MGAM2: variants seen among roughly 807,000 people sequenced by gnomAD.
The protein encoded by MGAM2 is probable maltase-glucoamylase 2.
MGAM2 carries 98 observed loss-of-function variants against 96.1 expected under a neutral mutation model. That is an observed-to-expected ratio of 1.02 (90% CI 0.87 to 1.21). MGAM2 has a LOEUF of 1.21. Among genes scored for constraint, MGAM2 ranks in the 50% most tolerant of loss-of-function variants. The pLI is 0.00. For synonymous variants in MGAM2, 749 were observed against 414.8 expected (o/e 1.81, Z -9.79); for missense variants, 2,055 against 1,182.4 (o/e 1.74, Z -10.82).
At chr7:142,190,267 CT>C (rs58228482) in intron 37 of MGAM2, among the ~76,000 whole-genome samples, 3,887 of 104,140 alleles carry the variant, frequency 0.037, 96 homozygotes, top group African/African-American at 0.14. Flanking sequence ...TACCATTTTA[CT>C]TTTTTTTTTT....
intron 45 of MGAM2, among the ~76,000 whole-genome samples, chr7:142,207,959 A>C (rs1797459678): frequency 6.6e-6 from 1 of 152,124 alleles, no homozygotes; most frequent in Non-Finnish European, 1.5e-5. Flanking sequence ...TAGGGAGAGA[A>C]GAATGGTGAA....
At chr7:142,150,005 G>A (rs1443083184) in intron 15 of MGAM2, among the ~76,000 whole-genome samples, 1 of 151,100 alleles carries the variant, frequency 6.6e-6, no homozygotes. Context: ...GCAATGGCGC[G>A]ATCTCAGCAC....
Position 142,220,821 on chromosome 7 carries a change from C to A in MGAM2, c.6310C>A (p.Pro2104Thr), listed in dbSNP as rs780688446. 1.4e-6 allele frequency: 1 copy of A among 701,992 alleles called. No individual in the cohort carries two copies. The highest frequency in any genetic ancestry group is 1.8e-5 in the African/African-American group (1 of 57,094). The allele number at this position is 701,992 out of a possible 1,614,324, so 43.5% of individuals were successfully genotyped here. A position where few individuals can be genotyped will look rare whatever the true frequency, so the allele number is the denominator to read the frequency against. The change falls in exon 48 of 48, where the codon CCT becomes ACT. Residue 2104 changes from proline (P) to threonine (T), a missense_variant. Transcript: ENST00000477922. ...TGCTACCGTTCCCATTTCAGTGACTCCTTCTCTGACAAGTACTGCTGATGC... is the reference window on the plus strand; with the variant it reads ...TGCTACCGTTCCCATTTCAGTGACTACTTCTCTGACAAGTACTGCTGATGC... ...TIATVPISVT[P>T]SLTSTADATI...
intron 27 of MGAM2, among the ~76,000 whole-genome samples, 196 bp downstream of exon 27, chr7:142,170,425 T>C (rs1796152945): frequency 6.6e-6 from 1 of 152,148 alleles, no homozygotes; most frequent in African/African-American, 2.4e-5. Context: ...TCAATCAAAG[T>C]TTAAAGAAAT....
chr7:142,147,983 A>T (rs1367435255), intron 15 of MGAM2, among the ~76,000 whole-genome samples: 20 of 152,060 alleles, frequency 1.3e-4, no homozygotes, highest in Admixed American at 1.3e-3. Flanking sequence ...TGGAATTTGA[A>T]TTTACCTGTA....
chr7:142,139,642 A>G (rs1251998291), intron 10 of MGAM2, among the ~76,000 whole-genome samples: 1 of 149,010 alleles, frequency 6.7e-6, no homozygotes, highest in East Asian at 2.0e-4. Flanking sequence ...CCTGGGTGAC[A>G]GAGTGAGGCT....
intron 26 of MGAM2, among the ~76,000 whole-genome samples, chr7:142,168,422 T>G (rs1375539487): frequency 6.6e-6 from 1 of 152,044 alleles, no homozygotes; most frequent in Non-Finnish European, 1.5e-5. Context: ...GGCACCCGCC[T>G]CCACGCCCAG....
rs372030644 is a variant in MGAM2 at position 142,183,500 on chromosome 7, A to T, written c.3924+127A>T. ...TTATGAATGAGTAGAAATCTGTCCGATGCTGATTAGCTCAATAAGCATTAA... is the reference window on the plus strand; with the variant it reads ...TTATGAATGAGTAGAAATCTGTCCGTTGCTGATTAGCTCAATAAGCATTAA... On this transcript the variant is annotated intron_variant, in intron 33 of 47. Coordinates refer to ENST00000477922, the MANE Select transcript of MGAM2 (RefSeq NM_001293626.2). 20 of 600,438 alleles carry T rather than the reference A, an allele frequency of 3.3e-5. No homozygotes were observed. The African/African-American group carries it at 3.7e-4, about 11-fold the overall frequency. The allele number at this position is 600,438 out of a possible 1,614,324, so 37.2% of individuals were successfully genotyped here.
chr7:142,208,490 G>A (rs1295387738), intron 45 of MGAM2, 83 bp from the exon 46 acceptor site: 3 of 689,216 alleles, frequency 4.4e-6, no homozygotes, highest in Non-Finnish European at 7.9e-6. Flanking sequence ...CATTGAGAGT[G>A]TGGTTTCTGA....
intron 31 of MGAM2, 134 bp downstream of exon 31, chr7:142,173,488 A>G (rs1458178939): frequency 1.9e-6 from 1 of 527,430 alleles, no homozygotes; most frequent in Non-Finnish European, 3.4e-6. Flanking sequence ...CTTTGTATAT[A>G]CTATAATACT....
At chr7:142,178,607 A>G (rs1349827254) in intron 32 of MGAM2, among the ~76,000 whole-genome samples, 1 of 152,126 alleles carries the variant, frequency 6.6e-6, no homozygotes. Context: ...TTATTAATAA[A>G]GAATTCTTTC....
Position 142,173,367 on chromosome 7 carries a change from C to T in MGAM2, c.3687+13C>T, listed in dbSNP as rs1168732804. 3 of 702,420 alleles carry T rather than the reference C, an allele frequency of 4.3e-6. No individual in the cohort carries two copies. The highest frequency in any genetic ancestry group is 3.0e-5 in the South Asian group (2 of 67,540). 43.5% of individuals were successfully genotyped at this position (702,420 alleles called of 1,614,324 possible). Reference sequence around the variant, plus strand: ...CCAGATTCCCTATGTATGAAACCCTCACTCAGCCCAAGGTGTAATTAGTTA... The same window carrying T: ...CCAGATTCCCTATGTATGAAACCCTTACTCAGCCCAAGGTGTAATTAGTTA... On this transcript the variant is annotated intron_variant, in intron 31 of 47. Coordinates refer to ENST00000477922, the MANE Select transcript of MGAM2 (RefSeq NM_001293626.2).
At chr7:142,177,146 T>C (rs1226348683) in intron 32 of MGAM2, among the ~76,000 whole-genome samples, 1 of 152,094 alleles carries the variant, frequency 6.6e-6, no homozygotes, top group Admixed American at 6.6e-5. Context: ...ATTGGGCAAT[T>C]TACAAAAGAA....
At position 142,158,276 on chromosome 7, in the gene MGAM2, G is replaced by A. The variant is rs1411696134; in HGVS notation, c.2107G>A (p.Val703Met). ...CTACCAGGACTCAGCCACGTGGGAT[G>A]TGCATGAGCAGTTCTTATGGGGACC... ...EFYQDSATWDVHEQFLWGPGL... is the reference protein window; with the variant it reads ...EFYQDSATWDMHEQFLWGPGL... Residue 703 changes from valine to methionine, a missense_variant, in exon 19 of 48, where the codon GTG becomes ATG. Val to Met is a conservative substitution (Grantham distance 21). Transcript: ENST00000477922. 4 of 702,834 alleles carry A rather than the reference G, an allele frequency of 5.7e-6. No homozygotes were observed. Among genetic ancestry groups the A allele is most frequent in the Non-Finnish European group, 1.0e-5 (4 of 384,990 alleles). The allele number at this position is 702,834 out of a possible 1,614,324, so 43.5% of individuals were successfully genotyped here. A position where few individuals can be genotyped will look rare whatever the true frequency, so the allele number is the denominator to read the frequency against.
In MGAM2 at chr7:142,186,110, A is replaced by T. The variant is rs1308246336; in HGVS notation, c.4109A>T (p.Asp1370Val). ...PREPEKSLKFDGLWIDMNEPS... is the reference protein window; with the variant it reads ...PREPEKSLKFVGLWIDMNEPS... Reference sequence around the variant, plus strand: ...GAGCCAGAGAAGAGCTTGAAGTTTGATGGATTGTGGATTGTAAGTGCACCC... The same window carrying T: ...GAGCCAGAGAAGAGCTTGAAGTTTGTTGGATTGTGGATTGTAAGTGCACCC... The change falls in exon 35 of 48, where the codon GAT (aspartate) becomes GTT (valine). Residue 1370 changes from aspartate to valine, a missense_variant. Transcript: ENST00000477922. The T allele has an allele frequency of 1.1e-5, 8 of 704,204 alleles. No homozygotes were observed. Among genetic ancestry groups the T allele is most frequent in the Non-Finnish European group, 1.6e-5 (6 of 384,572 alleles). The allele number at this position is 704,204 out of a possible 1,614,324, so 43.6% of individuals were successfully genotyped here. A position where few individuals can be genotyped will look rare whatever the true frequency, so the allele number is the denominator to read the frequency against.
chr7:142,132,344 TTAATA>T (rs1794913732), intron 6 of MGAM2, among the ~76,000 whole-genome samples: 1 of 144,906 alleles, frequency 6.9e-6, no homozygotes, highest in Non-Finnish European at 1.5e-5. Context: ...TATATGTAAT[TTAATA>T]TAATTTATAT....
chr7:142,141,581 C>G (rs1341765414), intron 12 of MGAM2, among the ~76,000 whole-genome samples: 1 of 152,108 alleles, frequency 6.6e-6, no homozygotes, highest in African/African-American at 2.4e-5. Context: ...CTCACTGCAA[C>G]CTCTGACTCC....
At chr7:142,127,624 C>G (rs1489846612) in intron 3 of MGAM2, among the ~76,000 whole-genome samples, 2 of 152,044 alleles carry the variant, frequency 1.3e-5, no homozygotes, top group African/African-American at 4.8e-5. Flanking sequence ...AATCATGGGG[C>G]ACTTTCCCCC....
intron 31 of MGAM2, among the ~76,000 whole-genome samples, chr7:142,174,713 C>CTTTTTTTTTTTTTTTTTTTTTTTTT (rs1410980226): frequency 1.3e-5 from 1 of 78,262 alleles, no homozygotes; most frequent in African/African-American, 7.6e-5. Context: ...CTCTCTCTCT[C>CTTTTTTTTTTTTTTTTTTTTTTTTT]TCTTTTTTTT....
Sources: allele counts gnomAD v4.1 joint callset (sites outside exome capture counted in the v4.1 genomes callset), GRCh38; gene constraint gnomAD v4.1.1; transcripts MANE v1.5; gene names NCBI Gene and HGNC (gene_info 2026-07-23, HGNC 2026-07-21).